Variants in EEA1 observed in about 807,000 individuals in gnomAD.
EEA1 encodes the protein early endosome antigen 1, 162kD.
EEA1 carries 111 observed loss-of-function variants against 209.2 expected under a neutral mutation model. The observed-to-expected ratio is 0.53, with a 90% CI of 0.45 to 0.62. The LOEUF (loss-of-function observed/expected upper bound fraction) is 0.62. Ranked by LOEUF, EEA1 falls within the 20% of genes least tolerant of loss-of-function variation. The probability of loss-of-function intolerance (pLI) is 0.00; values close to 1 mark genes in which losing one functional copy is unlikely to be tolerated. For synonymous variants in EEA1, 536 were observed against 540.6 expected (o/e 0.99, Z 0.12); for missense variants, 1,343 against 1,530.8 (o/e 0.88, Z 2.05).
At chr12:92,831,778 C>T (rs1876652809) in intron 11 of EEA1, among the ~76,000 whole-genome samples, 1 of 151,500 alleles carries the variant, frequency 6.6e-6, no homozygotes, top group African/African-American at 2.4e-5. Context: ...CCCTAAAACA[C>T]ATAATTTTTT....
chr12:92,914,194 G>T (rs554487501), intron 1 of EEA1, among the ~76,000 whole-genome samples: 1 of 151,724 alleles, frequency 6.6e-6, no homozygotes, highest in Non-Finnish European at 1.5e-5. Flanking sequence ...CATGGCCTCT[G>T]CCCCTGCCTT....
intron 2 of EEA1, among the ~76,000 whole-genome samples, chr12:92,873,730 C>T (rs1878752446): frequency 6.6e-6 from 1 of 152,128 alleles, no homozygotes; most frequent in Admixed American, 6.5e-5. Flanking sequence ...CTTCAATTGC[C>T]TCATCTGTTA....
chr12:92,901,760 G>C (rs1272401005), intron 1 of EEA1, among the ~76,000 whole-genome samples: 2 of 151,898 alleles, frequency 1.3e-5, no homozygotes, highest in East Asian at 1.9e-4. Flanking sequence ...GTAGAAACGG[G>C]GTTTTTCCAT....
At chr12:92,801,791 G>A in intron 19 of EEA1, 90 bp from the exon 20 acceptor site, 4 of 798,736 alleles carry the variant, frequency 5.0e-6, no homozygotes, top group Admixed American at 7.2e-5. Context: ...TACACACGAA[G>A]AAATAAACTA....
At chr12:92,887,537 A>T (rs1039252839) in intron 2 of EEA1, among the ~76,000 whole-genome samples, 1 of 152,156 alleles carries the variant, frequency 6.6e-6, no homozygotes, top group Non-Finnish European at 1.5e-5. Context: ...GTGCACCTAT[A>T]GTCCCACTAC....
At chr12:92,890,271 G>C (rs1357094818) in intron 2 of EEA1, among the ~76,000 whole-genome samples, 1 of 152,148 alleles carries the variant, frequency 6.6e-6, no homozygotes, top group Non-Finnish European at 1.5e-5. Flanking sequence ...TAGCAGGAGG[G>C]AGAGAGGATA....
chr12:92,781,781 T>C (rs1016082279), intron 23 of EEA1, among the ~76,000 whole-genome samples, 169 bp downstream of exon 23: 11 of 152,138 alleles, frequency 7.2e-5, no homozygotes, highest in Non-Finnish European at 1.5e-5. Context: ...TAAGAAGTAC[T>C]TCCTAGCATT....
intron 9 of EEA1, among the ~76,000 whole-genome samples, chr12:92,847,557 G>C (rs1877435854): frequency 6.6e-6 from 1 of 152,060 alleles, no homozygotes; most frequent in African/African-American, 2.4e-5. Flanking sequence ...AGTATTTTAA[G>C]CTATTACCCA....
At chr12:92,850,178 T>C (rs1163737357) in intron 9 of EEA1, among the ~76,000 whole-genome samples, 2 of 152,174 alleles carry the variant, frequency 1.3e-5, no homozygotes, top group African/African-American at 2.4e-5. Flanking sequence ...ATTTATTCTG[T>C]GTAATTCCTA....
At position 92,832,499 on chromosome 12, in the gene EEA1, T is replaced by C; in HGVS notation, c.1254+13A>G. ...GAGGGAGAATTACAATAAATAAAAT[T>C]AACAGCTCTTACTTGATTAATTTCA... On this transcript the variant is annotated intron_variant, in intron 11 of 28. Coordinates refer to ENST00000322349, the MANE Select transcript of EEA1 (RefSeq NM_003566.4). 1.3e-6 allele frequency: 2 copies of C among 1,583,230 alleles called. No homozygotes were observed. Among genetic ancestry groups the C allele is most frequent in the South Asian group, 2.3e-5 (2 of 85,708 alleles).
intron 13 of EEA1, among the ~76,000 whole-genome samples, chr12:92,823,211 CTA>C (rs762734215): frequency 2.4e-4 from 37 of 152,338 alleles, no homozygotes; most frequent in Admixed American, 1.2e-3. Flanking sequence ...GCAAATCTGA[CTA>C]TGGCAATTCT....
intron 1 of EEA1, among the ~76,000 whole-genome samples, chr12:92,907,330 A>T (rs961192503): frequency 6.6e-6 from 1 of 152,240 alleles, no homozygotes; most frequent in African/African-American, 2.4e-5. Context: ...AGAGCACCAC[A>T]AAGTCAGCTT....
chr12:92,897,884 T>G (rs558033173), intron 1 of EEA1, among the ~76,000 whole-genome samples: 1 of 152,326 alleles, frequency 6.6e-6, no homozygotes, highest in Non-Finnish European at 1.5e-5. Context: ...CAATAAAATA[T>G]TTTTTAATTA....
At chr12:92,813,742 C>T (rs899897922) in intron 15 of EEA1, among the ~76,000 whole-genome samples, 4 of 152,098 alleles carry the variant, frequency 2.6e-5, no homozygotes, top group Non-Finnish European at 5.9e-5. Context: ...AGGCCAAGTG[C>T]GGTGGCTCAC....
intron 1 of EEA1, among the ~76,000 whole-genome samples, chr12:92,917,761 A>C (rs1592778164): frequency 2.8e-5 from 3 of 105,912 alleles, no homozygotes; most frequent in East Asian, 5.3e-4. Flanking sequence ...CTTTAAATGT[A>C]AATGGACTAA....
chr12:92,913,636 G>T (rs1464323514), intron 1 of EEA1, among the ~76,000 whole-genome samples: 1 of 152,004 alleles, frequency 6.6e-6, no homozygotes, highest in East Asian at 1.9e-4. Flanking sequence ...TTCTTCCAGG[G>T]TTTTTACTTC....
intron 5 of EEA1, among the ~76,000 whole-genome samples, chr12:92,854,619 T>C (rs1877787470): frequency 6.6e-6 from 1 of 152,236 alleles, no homozygotes; most frequent in Admixed American, 6.5e-5. Context: ...CTGCACTTTT[T>C]CAGCTGCTTT....
intron 1 of EEA1, among the ~76,000 whole-genome samples, chr12:92,923,304 C>T (rs1445136906): frequency 6.6e-6 from 1 of 152,072 alleles, no homozygotes; most frequent in Non-Finnish European, 1.5e-5. Flanking sequence ...GCCGAGATTG[C>T]GCCACTGCAC....
rs536024391 is a variant in EEA1 at position 92,785,265 on chromosome 12, A to G, written c.3150+2602T>C. ...TCCAGTCAACAAACTTAAGTACTTC[A>G]TAAATAATCCAGCAGATGGGGCTAA... is the stretch of plus-strand genomic sequence containing the variant. On this transcript the variant is annotated intron_variant, in intron 22 of 28. Transcript: ENST00000322349. Among the ~76,000 whole-genome samples, 35 of 152,298 alleles carry G rather than the reference A, an allele frequency of 2.3e-4. No individual in the cohort carries two copies. The South Asian group carries it at 5.8e-3, about 25-fold the overall frequency.
Sources: allele counts gnomAD v4.1 joint callset (sites outside exome capture counted in the v4.1 genomes callset), GRCh38; gene constraint gnomAD v4.1.1; transcripts MANE v1.5; gene names NCBI Gene and HGNC (gene_info 2026-07-23, HGNC 2026-07-21).